PARD3B: variants seen among roughly 807,000 people sequenced by gnomAD.
The protein encoded by PARD3B is partitioning defective 3 homolog B.
PARD3B carries 103 observed loss-of-function variants against 130.2 expected under a neutral mutation model. That is an observed-to-expected ratio of 0.79 (90% CI 0.67 to 0.93). The LOEUF is 0.93. Ranked by LOEUF, PARD3B falls within the 40% of genes least tolerant of loss-of-function variation. The pLI is 0.00. For missense variants in PARD3B, 1,609 were observed against 1,499.2 expected, an observed-to-expected ratio of 1.07 and a Z score of -1.21; for synonymous variants, 583 against 553.2, an observed-to-expected ratio of 1.05 and a Z score of -0.76.
At chr2:205,426,324 TTTAAAACTGCA>T (rs1281104525) in intron 19 of PARD3B, among the ~76,000 whole-genome samples, 2 of 152,184 alleles carry the variant, frequency 1.3e-5, no homozygotes, top group African/African-American at 2.4e-5. Context: ...AGCTTGTAGC[TTTAAAACTGCA>T]TTGATAGGGA....
At chr2:205,353,080 G>A (rs953677013) in intron 18 of PARD3B, among the ~76,000 whole-genome samples, 1 of 152,162 alleles carries the variant, frequency 6.6e-6, no homozygotes, top group African/African-American at 2.4e-5. Flanking sequence ...TTTATCTACA[G>A]ATGTCTTTAA....
At chr2:204,554,042 TAAAA>T (rs1301322797) in intron 1 of PARD3B, among the ~76,000 whole-genome samples, 1 of 151,940 alleles carries the variant, frequency 6.6e-6, no homozygotes, top group Non-Finnish European at 1.5e-5. Flanking sequence ...TTTATGGAAA[TAAAA>T]AAATTTTAAA....
Position 205,241,122 on chromosome 2 carries a change from T to A in PARD3B, c.2141-4656T>A, listed in dbSNP as rs1385195936. On this transcript the variant is annotated intron_variant, in intron 15 of 22. Transcript: ENST00000406610. This position sits in a 1 kb window ranked among gnomAD's most constrained non-coding sequence, Gnocchi z 4.2. ...GCAGTTCTAATTAGCTTCAAAGGCT[T>A]ACAACCATGAGAATTAGAAACATAG... Among the ~76,000 whole-genome samples, 2 of 152,190 alleles carry A rather than the reference T, an allele frequency of 1.3e-5. No individual in the cohort carries two copies. The highest frequency in any genetic ancestry group is 3.8e-4 in the East Asian group (2 of 5,202).
At chr2:204,808,425 AT>A (rs1455665716) in intron 2 of PARD3B, among the ~76,000 whole-genome samples, 1 of 152,030 alleles carries the variant, frequency 6.6e-6, no homozygotes, top group East Asian at 1.9e-4. Context: ...TGTACAGATT[AT>A]TTTATCACCT....
At chr2:205,117,916 T>TACACACACACACACACACACACATAC (rs745919031) in intron 6 of PARD3B, among the ~76,000 whole-genome samples, 4,455 of 20,326 alleles carry the variant, frequency 0.22, 210 homozygotes, top group African/African-American at 0.32. Flanking sequence ...TGTATGTGTG[T>TACACACACACACACACACACACATAC]ACACACACAC....
intron 4 of PARD3B, among the ~76,000 whole-genome samples, chr2:205,095,328 A>G (rs964493549): frequency 2.6e-5 from 4 of 152,148 alleles, no homozygotes; most frequent in African/African-American, 9.6e-5. Flanking sequence ...GTATTTGAAA[A>G]AATTGTTTTC....
intron 5 of PARD3B, among the ~76,000 whole-genome samples, 167 bp downstream of exon 5, chr2:205,104,681 C>A (rs1201005077): frequency 6.6e-6 from 1 of 152,136 alleles, no homozygotes. Context: ...CTAGTGTTTT[C>A]TTCATATGAG....
At position 205,366,349 on chromosome 2, in the gene PARD3B, G is replaced by A. The variant is rs2044609434; in HGVS notation, c.2631-34664G>A. Among the ~76,000 whole-genome samples, 1 of 152,146 alleles carries A rather than the reference G, an allele frequency of 6.6e-6. No individual in the cohort carries two copies. Among genetic ancestry groups the A allele is most frequent in the Admixed American group, 6.5e-5 (1 of 15,270 alleles). On this transcript the variant is annotated intron_variant, in intron 18 of 22. Coordinates refer to ENST00000406610, the MANE Select transcript of PARD3B (RefSeq NM_001302769.2). This position sits in a 1 kb window ranked among gnomAD's most constrained non-coding sequence, Gnocchi z 5.0. ...TGTTGACTCAGCTCTCAAATTTGCT[G>A]TGCAGTGCTTACATGGACAGAGGTA... is the stretch of plus-strand genomic sequence containing the variant.
At chr2:204,791,699 C>T (rs756846015) in intron 2 of PARD3B, among the ~76,000 whole-genome samples, 4 of 152,126 alleles carry the variant, frequency 2.6e-5, no homozygotes, top group African/African-American at 4.8e-5. Flanking sequence ...TTTTGAATTG[C>T]CTCACCCTTT....
At chr2:204,771,644 G>A (rs1333566108) in intron 2 of PARD3B, among the ~76,000 whole-genome samples, 4 of 151,948 alleles carry the variant, frequency 2.6e-5, no homozygotes, top group African/African-American at 9.7e-5. Flanking sequence ...TAACAAACCT[G>A]CACATATACC....
intron 1 of PARD3B, among the ~76,000 whole-genome samples, chr2:204,570,841 C>CAACTGAAGTGTATAAGCTGTTGT (rs2031957771): frequency 9.3e-6 from 1 of 107,104 alleles, no homozygotes; most frequent in Non-Finnish European, 1.9e-5. Flanking sequence ...TAAGCTGTTG[C>CAACTGAAGTGTATAAGCTGTTGT]AACTGAGGTG....
intron 1 of PARD3B, among the ~76,000 whole-genome samples, chr2:204,674,326 T>C (rs2036436289): frequency 6.6e-6 from 1 of 152,208 alleles, no homozygotes. Flanking sequence ...TCCTGCTTTC[T>C]TCTCTGCATT....
At chr2:204,889,620 A>G (rs1369342280) in intron 2 of PARD3B, among the ~76,000 whole-genome samples, 1 of 152,260 alleles carries the variant, frequency 6.6e-6, no homozygotes, top group African/African-American at 2.4e-5. Flanking sequence ...AAGAAGCAGC[A>G]TGATCTAAAG....
chr2:205,478,397 A>G (rs1336549872), intron 20 of PARD3B, among the ~76,000 whole-genome samples: 1 of 152,228 alleles, frequency 6.6e-6, no homozygotes, highest in East Asian at 1.9e-4. Context: ...ATTAACCTAG[A>G]GCATCACATT....
Position 205,525,502 on chromosome 2 carries a change from A to G in PARD3B, c.3180+25471A>G, listed in dbSNP as rs1281114969. On this transcript the variant is annotated intron_variant, in intron 21 of 22. Coordinates refer to ENST00000406610, the MANE Select transcript of PARD3B (RefSeq NM_001302769.2). This position sits in a 1 kb window ranked among gnomAD's most constrained non-coding sequence, Gnocchi z 4.2. ...CAAAAAGGTTTAATTTTTTCTGTCAACGTGCATTGTTGTAATTATTAAAGA... is the reference window on the plus strand; with the variant it reads ...CAAAAAGGTTTAATTTTTTCTGTCAGCGTGCATTGTTGTAATTATTAAAGA... 1.3e-5 allele frequency among the ~76,000 whole-genome samples: 2 copies of G among 152,208 alleles called. No homozygotes were observed. Among genetic ancestry groups the G allele is most frequent in the South Asian group, 4.1e-4 (2 of 4,828 alleles).
chr2:205,180,286 T>A (rs1392603057), intron 13 of PARD3B, among the ~76,000 whole-genome samples: 1 of 151,824 alleles, frequency 6.6e-6, no homozygotes, highest in African/African-American at 2.4e-5. Context: ...TTACTTTTTA[T>A]GTAAGTCTAT....
At chr2:205,472,838 G>C (rs982995147) in intron 20 of PARD3B, among the ~76,000 whole-genome samples, 1 of 152,184 alleles carries the variant, frequency 6.6e-6, no homozygotes, top group East Asian at 1.9e-4. Context: ...AGTGAGAAGG[G>C]AGACAAATGA....
At chr2:204,633,362 G>A (rs2034756235) in intron 1 of PARD3B, among the ~76,000 whole-genome samples, 1 of 152,090 alleles carries the variant, frequency 6.6e-6, no homozygotes, top group African/African-American at 2.4e-5. Context: ...GCAAACCTCA[G>A]ATGTCACATT....
intron 15 of PARD3B, among the ~76,000 whole-genome samples, chr2:205,226,224 G>A (rs896024709): frequency 1.3e-5 from 2 of 152,080 alleles, no homozygotes; most frequent in Non-Finnish European, 2.9e-5. Flanking sequence ...TGTGTTTTTA[G>A]TAGAGACGAG....
Sources: allele counts gnomAD v4.1 joint callset (sites outside exome capture counted in the v4.1 genomes callset), GRCh38; gene constraint gnomAD v4.1.1; non-coding constraint Gnocchi (gnomAD v3.1); transcripts MANE v1.5; gene names NCBI Gene and HGNC (gene_info 2026-07-23, HGNC 2026-07-21).